CNTLN: variants seen among roughly 807,000 people sequenced by gnomAD.
CNTLN encodes centlein.
In CNTLN, 212 loss-of-function variants were observed where a neutral mutation model predicts 180.0. The observed-to-expected ratio is 1.18, with a 90% confidence interval of 1.05 to 1.32. CNTLN has a LOEUF of 1.32. CNTLN is among the 40% of genes most tolerant of loss of function. CNTLN has a pLI of 0.00. For synonymous variants in CNTLN, 722 were observed against 563.1 expected (o/e 1.28, Z -3.99); for missense variants, 2,095 against 1,610.9 (o/e 1.30, Z -5.14).
chr9:17,148,864 A>T (rs1255532125), intron 2 of CNTLN, among the ~76,000 whole-genome samples: 1 of 152,124 alleles, frequency 6.6e-6, no homozygotes, highest in Non-Finnish European at 1.5e-5. Context: ...TTACATGGGC[A>T]GAACGTGCAG....
intron 5 of CNTLN, among the ~76,000 whole-genome samples, chr9:17,250,763 C>A (rs536546221): frequency 6.6e-6 from 1 of 152,036 alleles, no homozygotes; most frequent in East Asian, 1.9e-4. Flanking sequence ...TTTTTGAAAT[C>A]ATATAGGAAA....
rs542037250 is a variant in CNTLN at position 17,394,551 on chromosome 9, T to A, written c.2097T>A (p.Asn699Lys). 2.5e-5 allele frequency: 40 copies of A among 1,577,112 alleles called. No individual in the cohort carries two copies. In the South Asian group the frequency reaches 4.8e-4, roughly 19 times the overall value. ...QTLQKVTELE[N>K]RLKSFEKRSR... ...TCCTTTAGGTCACTGAGTTGGAAAATCGGCTGAAATCTTTTGAGAAAAGGT... is the reference window on the plus strand; with the variant it reads ...TCCTTTAGGTCACTGAGTTGGAAAAACGGCTGAAATCTTTTGAGAAAAGGT... The change falls in exon 15 of 26, where the codon AAT (asparagine) becomes AAA (lysine). Residue 699 changes from asparagine to lysine, a missense_variant. Asn to Lys is a moderately conservative substitution (Grantham distance 94). Transcript: ENST00000380647.
At chr9:17,423,131 C>T (rs937689103) in intron 18 of CNTLN, among the ~76,000 whole-genome samples, 6 of 152,086 alleles carry the variant, frequency 3.9e-5, no homozygotes, top group Admixed American at 6.5e-5. Flanking sequence ...TGAGTCACTT[C>T]GATGTCCACC....
intron 25 of CNTLN, among the ~76,000 whole-genome samples, chr9:17,494,559 T>C (rs1202786871): frequency 6.6e-6 from 1 of 152,086 alleles, no homozygotes. Flanking sequence ...GGTCTGCTGT[T>C]CCCCTTCTCT....
chr9:17,326,857 A>G (rs1820327826), intron 8 of CNTLN, among the ~76,000 whole-genome samples: 1 of 152,188 alleles, frequency 6.6e-6, no homozygotes, highest in South Asian at 2.1e-4. Flanking sequence ...AAAGACAAGG[A>G]AGGTCTGAGA....
At chr9:17,290,880 G>C (rs187136206) in intron 6 of CNTLN, among the ~76,000 whole-genome samples, 75 of 152,182 alleles carry the variant, frequency 4.9e-4, no homozygotes, top group African/African-American at 1.8e-3. Flanking sequence ...CGCATGGTGC[G>C]TGCACCCACT....
intron 12 of CNTLN, among the ~76,000 whole-genome samples, chr9:17,352,593 G>T (rs1822473549): frequency 1.3e-5 from 2 of 152,020 alleles, no homozygotes; most frequent in South Asian, 2.1e-4. Context: ...TTAAAGCATA[G>T]AATTCAGTGG....
Position 17,291,758 on chromosome 9 carries a change from C to T in CNTLN, c.984-6432C>T, listed in dbSNP as rs576307203. ...CGTTGATGAGTCTTGACTCTTTATC[C>T]AGCTTGCCATTCTGTGTCTTTTAAT... On this transcript the variant is annotated intron_variant, in intron 6 of 25. Transcript: ENST00000380647. Among the ~76,000 whole-genome samples, 5 of 152,238 alleles carry T rather than the reference C, an allele frequency of 3.3e-5. No homozygotes were observed. In the South Asian group the frequency reaches 6.2e-4, roughly 19 times the overall value.
At chr9:17,265,886 C>T (rs1253676486) in intron 5 of CNTLN, among the ~76,000 whole-genome samples, 5 of 151,904 alleles carry the variant, frequency 3.3e-5, no homozygotes, top group Non-Finnish European at 7.4e-5. Flanking sequence ...GTGGTGATAT[C>T]CCCTTTATCA....
chr9:17,410,467 T>C (rs1241393896), intron 16 of CNTLN, among the ~76,000 whole-genome samples: 1 of 152,210 alleles, frequency 6.6e-6, no homozygotes, highest in East Asian at 1.9e-4. Context: ...ATTGTAGATA[T>C]CTTTTCCTAC....
At chr9:17,137,412 C>T (rs891379589) in intron 1 of CNTLN, among the ~76,000 whole-genome samples, 11 of 152,046 alleles carry the variant, frequency 7.2e-5, no homozygotes, top group Admixed American at 3.3e-4. Context: ...GTATACTCTC[C>T]CGCTTATTTA....
chr9:17,335,388 A>G (rs928339589), intron 10 of CNTLN, among the ~76,000 whole-genome samples: 1 of 152,116 alleles, frequency 6.6e-6, no homozygotes, highest in Admixed American at 6.5e-5. Flanking sequence ...GTGGTGGTGC[A>G]TGCCTCTAAT....
intron 18 of CNTLN, among the ~76,000 whole-genome samples, chr9:17,433,388 G>C (rs1267592375): frequency 6.6e-6 from 1 of 151,536 alleles, no homozygotes; most frequent in Non-Finnish European, 1.5e-5. Context: ...GGGTTCAAGC[G>C]ATTCTCCTGC....
the CNTLN span, among the ~76,000 whole-genome samples, chr9:17,524,093 T>A: frequency 6.6e-6 from 1 of 152,376 alleles, no homozygotes; most frequent in East Asian, 1.9e-4. Flanking sequence ...TTTCTGTATA[T>A]ACCAGTTAAT....
intron 6 of CNTLN, among the ~76,000 whole-genome samples, chr9:17,292,310 C>A (rs570010920): frequency 6.6e-6 from 1 of 151,956 alleles, no homozygotes; most frequent in Non-Finnish European, 1.5e-5. Context: ...GAGTATCTTA[C>A]GAGGGTTCTT....
chr9:17,347,673 C>CA (rs369056271), intron 12 of CNTLN, among the ~76,000 whole-genome samples: 6,179 of 129,928 alleles, frequency 0.048, 245 homozygotes, highest in East Asian at 0.17. Flanking sequence ...ACTCTTGTCT[C>CA]AAAAAAAAAA....
chr9:17,295,821 T>C (rs1265925317), intron 6 of CNTLN, among the ~76,000 whole-genome samples: 1 of 152,128 alleles, frequency 6.6e-6, no homozygotes. Context: ...TAAACATATC[T>C]ACATAGTATA....
intron 3 of CNTLN, among the ~76,000 whole-genome samples, chr9:17,227,334 T>A (rs1056898110): frequency 2.6e-5 from 4 of 152,046 alleles, no homozygotes; most frequent in Non-Finnish European, 4.4e-5. Context: ...ATATGTAATA[T>A]GTAAAATTAC....
At position 17,342,366 on chromosome 9, in the gene CNTLN, T is replaced by G; in HGVS notation, c.1808T>G (p.Leu603Arg). 4.3e-6 allele frequency: 7 copies of G among 1,612,256 alleles called. No homozygotes were observed. Among genetic ancestry groups the G allele is most frequent in the Non-Finnish European group, 5.1e-6 (6 of 1,179,260 alleles). Residue 603 changes from leucine (L) to arginine (R), a missense_variant, in exon 12 of 26, where the codon CTT (leucine) becomes CGT (arginine). Transcript: ENST00000380647. ...RKIKRADPQQ[L>R]RQEDSDAVWN... is the part of the protein sequence containing the mutation. ...ATAAAGAGAGCAGATCCCCAACAACTTCGACAAGAAGATTCTGACGCTGTG... is the reference window on the plus strand; with the variant it reads ...ATAAAGAGAGCAGATCCCCAACAACGTCGACAAGAAGATTCTGACGCTGTG...
Sources: gnomAD v4.1 joint callset for allele counts (sites outside exome capture counted in the v4.1 genomes callset) on GRCh38, gnomAD v4.1.1 for gene constraint, MANE v1.5 for transcripts, NCBI Gene and HGNC (gene_info 2026-07-23, HGNC 2026-07-21) for gene names.